SKAP2: variants seen among roughly 807,000 people sequenced by gnomAD.
The protein encoded by SKAP2 is src kinase-associated phosphoprotein 2.
Under a neutral mutation model 54.9 loss-of-function variants are expected in SKAP2, and 28 were observed. The observed-to-expected ratio is 0.51, with a 90% CI of 0.38 to 0.70. The LOEUF (loss-of-function observed/expected upper bound fraction) is 0.70. Ranked by LOEUF, SKAP2 falls within the 30% of genes least tolerant of loss-of-function variation. The probability of loss-of-function intolerance (pLI) is 0.00; values close to 1 mark genes in which losing one functional copy is unlikely to be tolerated. For missense variants in SKAP2, 356 were observed against 424.1 expected (o/e 0.84, Z 1.41); for synonymous variants, 137 against 134.3 (o/e 1.02, Z -0.14).
At chr7:26,843,969 AC>A in intron 4 of SKAP2, 60 bp downstream of exon 4, 1 of 1,012,022 alleles carries the variant, frequency 9.9e-7, no homozygotes, top group Non-Finnish European at 1.5e-6. Context: ...TAAAACTACC[AC>A]CCATATATAT....
chr7:26,662,660 C>T (rs117806128), downstream of SKAP2, among the ~76,000 whole-genome samples: 2,666 of 152,062 alleles, frequency 0.018, 29 homozygotes, highest in Non-Finnish European at 0.027. Context: ...AGCCCTGAGA[C>T]GATAATAAAG....
chr7:26,766,681 AG>A (rs1421265731), intron 4 of SKAP2, among the ~76,000 whole-genome samples: 3 of 152,120 alleles, frequency 2.0e-5, no homozygotes, highest in Non-Finnish European at 4.4e-5. Context: ...TTTAGCATGA[AG>A]GGCTGTTTTT....
At chr7:26,715,804 C>A (rs1338892918) in intron 9 of SKAP2, among the ~76,000 whole-genome samples, 5 of 152,116 alleles carry the variant, frequency 3.3e-5, no homozygotes, top group African/African-American at 1.2e-4. Context: ...GAGTTAACAA[C>A]AATGCTACAA....
chr7:26,667,035 C>G (rs1028047881), downstream of SKAP2: 2 of 152,190 alleles, frequency 1.3e-5, no homozygotes, highest in Non-Finnish European at 2.9e-5. Flanking sequence ...ATTAGTAACA[C>G]AGCAGGCTGT....
intron 4 of SKAP2, among the ~76,000 whole-genome samples, chr7:26,751,591 T>G (rs1211350744): frequency 2.0e-5 from 3 of 152,158 alleles, no homozygotes; most frequent in Admixed American, 2.0e-4. Context: ...CTACTCTGGT[T>G]TAAAGTATTA....
chr7:26,736,090 G>A (rs1416741032), intron 6 of SKAP2, among the ~76,000 whole-genome samples: 2 of 152,146 alleles, frequency 1.3e-5, no homozygotes, highest in Non-Finnish European at 2.9e-5. Context: ...AAGTGTCAGA[G>A]GCTTTTAAAC....
At chr7:26,704,403 C>T (rs973766035) in intron 9 of SKAP2, among the ~76,000 whole-genome samples, 1 of 152,140 alleles carries the variant, frequency 6.6e-6, no homozygotes, top group Non-Finnish European at 1.5e-5. Flanking sequence ...ATTGATTAAT[C>T]CTGAATAAGA....
At chr7:26,745,434 A>T (rs114973226) in intron 4 of SKAP2, among the ~76,000 whole-genome samples, 4,072 of 152,348 alleles carry the variant, frequency 0.027, 177 homozygotes, top group African/African-American at 0.093. Context: ...TAAACCTTTT[A>T]AAATTATTCA....
At chr7:26,658,482 C>G in the SKAP2 span, among the ~76,000 whole-genome samples, 5 of 152,052 alleles carry the variant, frequency 3.3e-5, no homozygotes, top group Non-Finnish European at 4.4e-5. Context: ...GCAGTTTTTC[C>G]TGAACAGCCA....
chr7:26,663,183 T>C (rs575884574), downstream of SKAP2, among the ~76,000 whole-genome samples: 16 of 152,030 alleles, frequency 1.1e-4, no homozygotes, highest in African/African-American at 3.4e-4. Flanking sequence ...CCTTTGAAAA[T>C]AGAACTTTGG....
intron 4 of SKAP2, among the ~76,000 whole-genome samples, chr7:26,831,313 C>A (rs1784589097): frequency 6.6e-6 from 1 of 152,086 alleles, no homozygotes; most frequent in African/African-American, 2.4e-5. Context: ...AAGAAAAAGG[C>A]ATGATATATT....
chr7:26,850,687 C>T (rs1785022085), intron 3 of SKAP2, among the ~76,000 whole-genome samples: 1 of 151,986 alleles, frequency 6.6e-6, no homozygotes, highest in Admixed American at 6.6e-5. Context: ...CTATCTGTTC[C>T]AGATAAAACA....
intron 1 of SKAP2, among the ~76,000 whole-genome samples, chr7:26,855,748 A>G (rs1032789563): frequency 3.3e-5 from 5 of 152,042 alleles, no homozygotes; most frequent in Admixed American, 3.3e-4. Context: ...TAATTTTTAT[A>G]CTAGTTCCAT....
At chr7:26,861,906 T>C (rs1310127445) in intron 1 of SKAP2, among the ~76,000 whole-genome samples, 2 of 151,930 alleles carry the variant, frequency 1.3e-5, no homozygotes, top group African/African-American at 4.8e-5. Context: ...CTTTTGATTA[T>C]ATATTCTTCT....
intron 4 of SKAP2, among the ~76,000 whole-genome samples, chr7:26,827,274 C>T (rs996090096): frequency 1.3e-5 from 2 of 152,102 alleles, no homozygotes; most frequent in Admixed American, 1.3e-4. Flanking sequence ...TTAAATATGG[C>T]ATTATATGTT....
In SKAP2 at chr7:26,715,740, T is replaced by C. The variant is rs1244626446; in HGVS notation, c.796+9688A>G. Among the ~76,000 whole-genome samples the C allele has an allele frequency of 2.6e-5, 4 of 152,162 alleles. No homozygotes were observed. The East Asian group carries it at 5.8e-4, about 22-fold the overall frequency. The stretch of plus-strand genomic sequence containing the variant: ...AGTGCAGTGAGCCGAGATCATGCCA[T>C]TGCACTCCAGCCTGGGTGACAAGAA... On this transcript the variant is annotated intron_variant, in intron 9 of 12. Coordinates refer to ENST00000345317, the MANE Select transcript of SKAP2 (RefSeq NM_003930.5).
At chr7:26,858,663 T>C (rs909744839) in intron 1 of SKAP2, among the ~76,000 whole-genome samples, 17 of 151,688 alleles carry the variant, frequency 1.1e-4, no homozygotes, top group African/African-American at 4.1e-4. Context: ...TTCCCTGGAG[T>C]CGCAAGTGGT....
At chr7:26,799,295 C>T (rs999859953) in intron 4 of SKAP2, among the ~76,000 whole-genome samples, 4 of 151,886 alleles carry the variant, frequency 2.6e-5, no homozygotes, top group African/African-American at 9.7e-5. Context: ...AAAAAAAACC[C>T]CATTGATCTG....
intron 4 of SKAP2, among the ~76,000 whole-genome samples, chr7:26,798,318 A>G (rs1043259940): frequency 6.6e-6 from 1 of 151,946 alleles, no homozygotes; most frequent in Non-Finnish European, 1.5e-5. Context: ...CTAACCTAGA[A>G]TACTAGATTT....
Sources: allele counts gnomAD v4.1 joint callset (sites outside exome capture counted in the v4.1 genomes callset), GRCh38; gene constraint gnomAD v4.1.1; transcripts MANE v1.5; gene names NCBI Gene and HGNC (gene_info 2026-07-23, HGNC 2026-07-21).